Variants in TNFSF15 observed in about 807,000 individuals in gnomAD.
TNFSF15 encodes tumor necrosis factor ligand superfamily member 15.
A neutral mutation model predicts 26.4 loss-of-function variants in TNFSF15; 15 were observed. That is an observed-to-expected ratio of 0.57 (90% CI 0.38 to 0.87). The LOEUF is 0.87. Among genes scored for constraint, TNFSF15 ranks in the 40% least tolerant of loss-of-function variants. The probability of loss-of-function intolerance (pLI) is 0.00; values close to 1 mark genes in which losing one functional copy is unlikely to be tolerated. For missense variants in TNFSF15, 290 were observed against 306.1 expected, an observed-to-expected ratio of 0.95 and a Z score of 0.39; for synonymous variants, 116 against 115.0, an observed-to-expected ratio of 1.01 and a Z score of -0.06.
intron 1 of TNFSF15, among the ~76,000 whole-genome samples, chr9:114,795,724 C>T (rs1456488360): frequency 2.0e-5 from 3 of 152,136 alleles, no homozygotes; most frequent in Non-Finnish European, 4.4e-5. Context: ...AATTGTGTGT[C>T]TGTGTGAGTG....
chr9:114,793,644 G>C, intron 1 of TNFSF15, 76 bp from the exon 2 acceptor site: 1 of 1,411,402 alleles, frequency 7.1e-7, no homozygotes, highest in South Asian at 1.2e-5. Context: ...CCATAGCACA[G>C]GTATGATTAC....
At position 114,788,030 on chromosome 9, in the gene TNFSF15, C is replaced by T. The variant is rs920982871; in HGVS notation, c.*2422G>A. 8.5e-5 allele frequency: 13 copies of T among 153,678 alleles called. No individual in the cohort carries two copies. Among genetic ancestry groups the T allele is most frequent in the Admixed American group, 6.5e-4 (10 of 15,272 alleles). The allele number at this position is 153,678 out of a possible 1,614,324, so 9.5% of individuals were successfully genotyped here. On this transcript the variant is annotated 3_prime_UTR_variant, in exon 4 of 4. Coordinates refer to ENST00000374045, the MANE Select transcript of TNFSF15 (RefSeq NM_005118.4). ...ATACCAAAGCTGCTTGGTGCTCTCA[C>T]GCACCATGAAGACCGGTTCAGAAAG... is the stretch of plus-strand genomic sequence containing the variant.
At chr9:114,792,615 AC>A (rs1328120107) in intron 2 of TNFSF15, 161 bp from the exon 3 acceptor site, 2 of 1,477,906 alleles carry the variant, frequency 1.4e-6, no homozygotes, top group African/African-American at 2.8e-5. Flanking sequence ...GGAATGTGGC[AC>A]CCGCAGCAAG....
intron 2 of TNFSF15, among the ~76,000 whole-genome samples, chr9:114,793,304 G>A (rs1212771677): frequency 6.6e-6 from 1 of 151,374 alleles, no homozygotes; most frequent in African/African-American, 2.5e-5. Flanking sequence ...TTCCGGAGTT[G>A]GGGTTTGAGT....
At chr9:114,804,291 G>T (rs7048850) in intron 1 of TNFSF15, among the ~76,000 whole-genome samples, 1 of 152,176 alleles carries the variant, frequency 6.6e-6, no homozygotes, top group Non-Finnish European at 1.5e-5. Flanking sequence ...TTCCTTCACC[G>T]AGCTTCCCGT....
intron 1 of TNFSF15, among the ~76,000 whole-genome samples, chr9:114,796,818 G>A (rs1380941018): frequency 6.6e-6 from 1 of 152,194 alleles, no homozygotes; most frequent in Non-Finnish European, 1.5e-5. Context: ...TACATTATGT[G>A]CATTTGGCAC....
chr9:114,792,928 A>G (rs1439560369), intron 2 of TNFSF15, among the ~76,000 whole-genome samples: 2 of 152,198 alleles, frequency 1.3e-5, no homozygotes, highest in Non-Finnish European at 2.9e-5. Context: ...AATGGGATGA[A>G]GAGTGGATGG....
chr9:114,798,778 T>C (rs917275309), intron 1 of TNFSF15, among the ~76,000 whole-genome samples: 12 of 152,346 alleles, frequency 7.9e-5, no homozygotes, highest in Admixed American at 7.2e-4. Context: ...AGATAATCTT[T>C]GAGATTTCCT....
At chr9:114,804,477 T>C (rs1829790764) in intron 1 of TNFSF15, among the ~76,000 whole-genome samples, 1 of 152,190 alleles carries the variant, frequency 6.6e-6, no homozygotes, top group African/African-American at 2.4e-5. Flanking sequence ...GCCTCTGGGC[T>C]TCCTTCAGAC....
chr9:114,800,697 C>T (rs1564347046), intron 1 of TNFSF15, among the ~76,000 whole-genome samples: 1 of 152,138 alleles, frequency 6.6e-6, no homozygotes, highest in African/African-American at 2.4e-5. Context: ...ACAAGTATTG[C>T]ACATGTTTAC....
At chr9:114,791,226 T>G (rs1829593063) in intron 3 of TNFSF15, 1 of 485,980 alleles carries the variant, frequency 2.1e-6, no homozygotes, top group Non-Finnish European at 3.7e-6. Context: ...CCTATTCTTC[T>G]GTGTTTAGGA....
intron 1 of TNFSF15, 118 bp downstream of exon 1, chr9:114,805,685 A>G (rs1829811319): frequency 3.0e-6 from 3 of 1,005,280 alleles, no homozygotes; most frequent in South Asian, 1.7e-5. Flanking sequence ...CTCTGCATGT[A>G]GAAACAAGAA....
intron 1 of TNFSF15, among the ~76,000 whole-genome samples, chr9:114,803,375 C>G (rs1254000592): frequency 6.6e-6 from 1 of 152,114 alleles, no homozygotes; most frequent in Admixed American, 6.5e-5. Context: ...ATTAATACCC[C>G]CTTCAGAGAA....
At position 114,787,256 on chromosome 9, in the gene TNFSF15, C is replaced by A. The variant is rs139199877; in HGVS notation, c.*3196G>T. ...AGTAGCTATTTTTAAAAAAACACTTCGAGTAAACACAAATCATTTTGTTAG... is the reference window on the plus strand; with the variant it reads ...AGTAGCTATTTTTAAAAAAACACTTAGAGTAAACACAAATCATTTTGTTAG... On this transcript the variant is annotated 3_prime_UTR_variant, in exon 4 of 4. Coordinates refer to ENST00000374045, the MANE Select transcript of TNFSF15 (RefSeq NM_005118.4). The A allele has an allele frequency of 5.9e-5, 9 of 152,130 alleles. No individual in the cohort carries two copies. Among genetic ancestry groups the A allele is most frequent in the Non-Finnish European group, 1.3e-4 (9 of 68,024 alleles). 9.4% of individuals were successfully genotyped at this position (152,130 alleles called of 1,614,324 possible).
intron 1 of TNFSF15, among the ~76,000 whole-genome samples, chr9:114,795,463 C>T (rs934625718): frequency 6.6e-6 from 1 of 152,052 alleles, no homozygotes; most frequent in Admixed American, 6.6e-5. Context: ...AAATAACAAA[C>T]AATATAGCAT....
chr9:114,804,480 C>T (rs1478815917), intron 1 of TNFSF15, among the ~76,000 whole-genome samples: 1 of 152,156 alleles, frequency 6.6e-6, no homozygotes, highest in East Asian at 1.9e-4. Flanking sequence ...TCTGGGCTTC[C>T]TTCAGACCCC....
rs771464226 is a variant in TNFSF15 at position 114,790,266 on chromosome 9, ACT to A, written c.*184_*185del. ...TCTCTTCAGCCTTTTTCCAGTTAGTACTCTCATCAGTAAGGCACATGAAGTGT... is the reference window on the plus strand; with the variant it reads ...TCTCTTCAGCCTTTTTCCAGTTAGTACTCATCAGTAAGGCACATGAAGTGT... On this transcript the variant is annotated 3_prime_UTR_variant, in exon 4 of 4. Transcript: ENST00000374045. The A allele has an allele frequency of 4.3e-5, 24 of 557,762 alleles. No individual in the cohort carries two copies. The highest frequency in any genetic ancestry group is 6.3e-5 in the Non-Finnish European group (20 of 318,988). 34.6% of individuals were successfully genotyped at this position (557,762 alleles called of 1,614,324 possible). A position where few individuals can be genotyped will look rare whatever the true frequency, so the allele number is the denominator to read the frequency against.
At position 114,790,396 on chromosome 9, in the gene TNFSF15, AG is replaced by A; in HGVS notation, c.*55del. 6.7e-7 allele frequency: 1 copy of A among 1,494,094 alleles called. No homozygotes were observed. 92.6% of individuals were successfully genotyped at this position (1,494,094 alleles called of 1,614,324 possible). A position where few individuals can be genotyped will look rare whatever the true frequency, so the allele number is the denominator to read the frequency against. ...CCTGGTTATAATTACATTTGAACAA[AG>A]AAAATTAGGAACTCGGTGGCAGAGG... On this transcript the variant is annotated 3_prime_UTR_variant, in exon 4 of 4. Coordinates refer to ENST00000374045, the MANE Select transcript of TNFSF15 (RefSeq NM_005118.4).
intron 3 of TNFSF15, chr9:114,791,143 T>C: frequency 1.7e-6 from 1 of 593,706 alleles, no homozygotes; most frequent in Non-Finnish European, 3.0e-6. Flanking sequence ...TGAGACTGAG[T>C]GGTCTGACCT....
Sources: gnomAD v4.1 joint callset for allele counts (sites outside exome capture counted in the v4.1 genomes callset) on GRCh38, gnomAD v4.1.1 for gene constraint, MANE v1.5 for transcripts, NCBI Gene and HGNC (gene_info 2026-07-23, HGNC 2026-07-21) for gene names.